UBE2E2: variants seen among roughly 807,000 people sequenced by gnomAD.
The protein encoded by UBE2E2 is ubiquitin-conjugating enzyme E2 E2.
In UBE2E2, 6 loss-of-function variants were observed where a neutral mutation model predicts 24.7. The observed-to-expected ratio is 0.24, with a 90% CI of 0.13 to 0.48. The LOEUF is 0.48. Among genes scored for constraint, UBE2E2 ranks in the 20% least tolerant of loss-of-function variants. The pLI, the probability that UBE2E2 is intolerant of heterozygous loss-of-function variation, is 0.99. For missense variants in UBE2E2, 169 were observed against 245.0 expected (o/e 0.69, Z 2.07); for synonymous variants, 104 against 83.6 (o/e 1.24, Z -1.33).
At chr3:23,207,170 C>T (rs940621496) in intron 1 of UBE2E2, among the ~76,000 whole-genome samples, 2 of 152,156 alleles carry the variant, frequency 1.3e-5, no homozygotes, top group Non-Finnish European at 2.9e-5. Context: ...TTTGTCAGAA[C>T]ACTTTAAGCT....
rs562616586 is a variant in UBE2E2, at chr3:23,289,798, C to T, written c.227+72486C>T. 2.0e-4 allele frequency among the ~76,000 whole-genome samples: 30 copies of T among 152,326 alleles called. No individual in the cohort carries two copies. The South Asian group carries it at 6.2e-3, about 32-fold the overall frequency. On this transcript the variant is annotated intron_variant, in intron 3 of 5. Coordinates refer to ENST00000396703, the MANE Select transcript of UBE2E2 (RefSeq NM_152653.4). ...GTAAAGGAATGGTGTCTACCAGTGA[C>T]ATTACATTAAAGCTTTTCATAATCG...
chr3:23,525,408 G>C (rs1184514657), intron 4 of UBE2E2, among the ~76,000 whole-genome samples: 1 of 152,088 alleles, frequency 6.6e-6, no homozygotes. Context: ...TAAAACCTTT[G>C]TTATCCAGGG....
chr3:23,224,156 G>GTTTTTTTTTTTTTTT (rs531661466), intron 3 of UBE2E2, among the ~76,000 whole-genome samples: 81 of 93,698 alleles, frequency 8.6e-4, no homozygotes, highest in South Asian at 2.9e-3. Context: ...TAAATTTTAG[G>GTTTTTTTTTTTTTTT]TTTTTTTTTT....
chr3:23,549,349 G>T (rs1695591305), intron 5 of UBE2E2, among the ~76,000 whole-genome samples: 1 of 152,176 alleles, frequency 6.6e-6, no homozygotes, highest in Non-Finnish European at 1.5e-5. Flanking sequence ...GCCCTTGCAT[G>T]CATCTTTTCA....
intron 3 of UBE2E2, among the ~76,000 whole-genome samples, chr3:23,341,577 C>G (rs17013035): frequency 0.029 from 4,450 of 152,230 alleles, 118 homozygotes; most frequent in East Asian, 0.13. Context: ...GCATCTTATC[C>G]AGCTGACAGC....
intron 5 of UBE2E2, among the ~76,000 whole-genome samples, chr3:23,554,786 A>G (rs1361518880): frequency 6.6e-6 from 1 of 152,208 alleles, no homozygotes; most frequent in Non-Finnish European, 1.5e-5. Context: ...GAAAAGGACA[A>G]CTACAGACTG....
intron 3 of UBE2E2, among the ~76,000 whole-genome samples, chr3:23,311,662 T>C (rs953147409): frequency 2.0e-5 from 3 of 152,224 alleles, no homozygotes; most frequent in African/African-American, 2.4e-5. Context: ...TAACATGTTA[T>C]ACCTTTGGAA....
intron 3 of UBE2E2, among the ~76,000 whole-genome samples, chr3:23,330,091 C>T (rs1427553200): frequency 3.9e-5 from 6 of 152,170 alleles, no homozygotes; most frequent in African/African-American, 1.2e-4. Flanking sequence ...AAGAAACACT[C>T]GAGAAGCTAG....
intron 5 of UBE2E2, among the ~76,000 whole-genome samples, chr3:23,572,598 C>G (rs181563990): frequency 6.6e-6 from 1 of 152,202 alleles, no homozygotes; most frequent in Non-Finnish European, 1.5e-5. Context: ...TGTGTGTGCC[C>G]AGGCTTAACT....
At chr3:23,511,412 G>A (rs1172881955) in intron 4 of UBE2E2, among the ~76,000 whole-genome samples, 6 of 152,240 alleles carry the variant, frequency 3.9e-5, no homozygotes, top group Admixed American at 1.3e-4. Context: ...TGACCAGGTA[G>A]GGATATGTTG....
At chr3:23,328,380 T>G (rs1451051640) in intron 3 of UBE2E2, among the ~76,000 whole-genome samples, 1 of 152,178 alleles carries the variant, frequency 6.6e-6, no homozygotes, top group Non-Finnish European at 1.5e-5. Flanking sequence ...TGTACTTCAG[T>G]GTGGTATTCA....
chr3:23,554,510 T>A (rs898110754), intron 5 of UBE2E2, among the ~76,000 whole-genome samples: 2 of 152,130 alleles, frequency 1.3e-5, no homozygotes, highest in African/African-American at 2.4e-5. Context: ...AGACCCTCTC[T>A]CTTTAAAAAA....
chr3:23,294,553 C>A (rs1306288563), intron 3 of UBE2E2, among the ~76,000 whole-genome samples: 1 of 148,270 alleles, frequency 6.7e-6, no homozygotes, highest in East Asian at 2.0e-4. Flanking sequence ...TTATTTGTAT[C>A]TTTTTATTTT....
chr3:23,285,526 C>T (rs1698596149), intron 3 of UBE2E2, among the ~76,000 whole-genome samples: 1 of 152,188 alleles, frequency 6.6e-6, no homozygotes, highest in South Asian at 2.1e-4. Flanking sequence ...TCAGCATCCT[C>T]CTCAGCATTT....
chr3:23,455,801 G>A (rs1017405583), intron 3 of UBE2E2, among the ~76,000 whole-genome samples: 1 of 152,138 alleles, frequency 6.6e-6, no homozygotes, highest in Non-Finnish European at 1.5e-5. Flanking sequence ...GATGTGGATG[G>A]CTGCTCACTG....
intron 4 of UBE2E2, among the ~76,000 whole-genome samples, chr3:23,528,370 T>C (rs73139789): frequency 0.05 from 7,682 of 152,222 alleles, 654 homozygotes; most frequent in African/African-American, 0.18. Flanking sequence ...AGAGAATTCA[T>C]TGAAGGAAAA....
At chr3:23,320,979 C>T (rs1184712512) in intron 3 of UBE2E2, among the ~76,000 whole-genome samples, 1 of 152,202 alleles carries the variant, frequency 6.6e-6, no homozygotes, top group African/African-American at 2.4e-5. Flanking sequence ...CAAGTGTCTG[C>T]AGGGCCATTC....
chr3:23,566,420 T>C (rs1159980933), intron 5 of UBE2E2, among the ~76,000 whole-genome samples: 1 of 152,164 alleles, frequency 6.6e-6, no homozygotes, highest in African/African-American at 2.4e-5. Flanking sequence ...CATCTCGTAG[T>C]GGACAGCCTG....
In UBE2E2 at chr3:23,385,420, A is replaced by G. The variant is rs185979851; in HGVS notation, c.228-114188A>G. On this transcript the variant is annotated intron_variant, in intron 3 of 5. Coordinates refer to ENST00000396703, the MANE Select transcript of UBE2E2 (RefSeq NM_152653.4). ...TTTTGTGATCTTTCTATTTTAGATC[A>G]CCATGCCACAGCTGCTTGGATAGCC... Among the ~76,000 whole-genome samples, 9 of 152,258 alleles carry G rather than the reference A, an allele frequency of 5.9e-5. No individual in the cohort carries two copies. In the East Asian group the frequency reaches 1.7e-3, roughly 29 times the overall value.
Sources: allele counts gnomAD v4.1 joint callset (sites outside exome capture counted in the v4.1 genomes callset), GRCh38; gene constraint gnomAD v4.1.1; transcripts MANE v1.5; gene names NCBI Gene and HGNC (gene_info 2026-07-23, HGNC 2026-07-21).